The following RANBP2 variants were observed in gnomAD, a reference collection of about 807,000 sequenced individuals.
RANBP2 encodes E3 SUMO-protein ligase RanBP2.
RANBP2 carries 57 observed loss-of-function variants against 303.6 expected under a neutral mutation model. That is an observed-to-expected ratio of 0.19 (90% confidence interval 0.15 to 0.23). The LOEUF (loss-of-function observed/expected upper bound fraction) is 0.23, where lower values mean the gene tolerates loss of function less well. Ranked by LOEUF, RANBP2 falls within the 10% of genes least tolerant of loss-of-function variation. The probability of loss-of-function intolerance (pLI) is 1.00; values close to 1 mark genes in which losing one functional copy is unlikely to be tolerated. For missense variants in RANBP2, 3,138 were observed against 3,780.8 expected (o/e 0.83, Z 4.46); for synonymous variants, 1,167 against 1,301.5 (o/e 0.90, Z 2.23).
the RANBP2 span, among the ~76,000 whole-genome samples, chr2:109,290,239 CTCTT>C: frequency 6.6e-6 from 1 of 152,208 alleles, no homozygotes; most frequent in Non-Finnish European, 1.5e-5. Flanking sequence ...ATCATTCCTT[CTCTT>C]TGTCAGTAAA....
the RANBP2 span, among the ~76,000 whole-genome samples, chr2:109,726,766 C>T: frequency 7.2e-5 from 11 of 152,184 alleles, no homozygotes; most frequent in African/African-American, 1.7e-4. Context: ...CCACACCCTC[C>T]GGCCCACCGC....
the RANBP2 span, among the ~76,000 whole-genome samples, chr2:109,168,325 A>G: frequency 1.3e-5 from 2 of 152,314 alleles, no homozygotes; most frequent in Admixed American, 1.3e-4. Context: ...TTGGTGAGTG[A>G]TCTCAGAGTG....
the RANBP2 span, among the ~76,000 whole-genome samples, chr2:109,583,860 G>A: frequency 1.3e-5 from 2 of 152,210 alleles, no homozygotes; most frequent in East Asian, 3.9e-4. Flanking sequence ...GCTGGAGGCC[G>A]TTATCCTAAG....
At chr2:109,685,222 A>G in the RANBP2 span, among the ~76,000 whole-genome samples, 22 of 152,180 alleles carry the variant, frequency 1.4e-4, no homozygotes, top group African/African-American at 5.1e-4. Flanking sequence ...AGATGTGCAC[A>G]TGATCATTTA....
At chr2:108,900,683 T>C in the RANBP2 span, among the ~76,000 whole-genome samples, 1 of 151,924 alleles carries the variant, frequency 6.6e-6, no homozygotes, top group African/African-American at 2.4e-5. Context: ...CACTTCAATA[T>C]AATGAGAGAG....
chr2:109,525,672 T>G, the RANBP2 span, among the ~76,000 whole-genome samples: 1 of 152,180 alleles, frequency 6.6e-6, no homozygotes, highest in African/African-American at 2.4e-5. Context: ...CAGGACAACC[T>G]GCTCGGTGCC....
the RANBP2 span, among the ~76,000 whole-genome samples, chr2:109,163,801 A>C: frequency 6.6e-6 from 1 of 152,210 alleles, no homozygotes; most frequent in Non-Finnish European, 1.5e-5. Flanking sequence ...AAACTTCTTA[A>C]TAATGGCTCT....
Position 108,766,343 on chromosome 2 carries a change from G to A in RANBP2, c.5804G>A (p.Gly1935Asp), listed in dbSNP as rs1224388091. 1.9e-6 allele frequency: 3 copies of A among 1,611,850 alleles called. No individual in the cohort carries two copies. Among genetic ancestry groups the A allele is most frequent in the Non-Finnish European group, 2.5e-6 (3 of 1,179,862 alleles). The change falls in exon 20 of 29, where the codon GGT (glycine) becomes GAT (aspartate). Residue 1935 changes from glycine (G) to aspartate (D), a missense_variant. Physicochemically the swap from Gly to Asp is moderately conservative, Grantham distance 94. Transcript: ENST00000283195. ...QDISGQKNGRGVIFGQTSSTF... is the reference protein window; with the variant it reads ...QDISGQKNGRDVIFGQTSSTF... Reference sequence around the variant, plus strand: ...ATTAGTGGCCAGAAGAATGGCCGTGGTGTGATTTTTGGCCAAACAAGTAGC... The same window carrying A: ...ATTAGTGGCCAGAAGAATGGCCGTGATGTGATTTTTGGCCAAACAAGTAGC...
the RANBP2 span, among the ~76,000 whole-genome samples, chr2:109,105,631 T>A: frequency 6.6e-6 from 1 of 152,214 alleles, no homozygotes; most frequent in Admixed American, 6.5e-5. Context: ...CTCAGCTCAC[T>A]GCAACCTCTG....
the RANBP2 span, among the ~76,000 whole-genome samples, chr2:109,054,696 CAAA>C: frequency 6.9e-5 from 4 of 57,828 alleles, no homozygotes; most frequent in Non-Finnish European, 1.1e-4. Flanking sequence ...GACTCCGTCT[CAAA>C]AAAAAAAAAA....
At chr2:109,600,925 G>A in the RANBP2 span, among the ~76,000 whole-genome samples, 1 of 152,226 alleles carries the variant, frequency 6.6e-6, no homozygotes, top group Non-Finnish European at 1.5e-5. Context: ...CAAATAAACA[G>A]CCAGATAAAG....
chr2:109,569,216 G>A, the RANBP2 span, among the ~76,000 whole-genome samples: 4 of 152,086 alleles, frequency 2.6e-5, no homozygotes, highest in Non-Finnish European at 5.9e-5. Flanking sequence ...GTCACCTGAG[G>A]TCGGGAGTTC....
chr2:108,880,523 A>G, the RANBP2 span, among the ~76,000 whole-genome samples: 3 of 152,206 alleles, frequency 2.0e-5, no homozygotes, highest in Non-Finnish European at 2.9e-5. Context: ...CCTGGCTTCA[A>G]AGCTTCAAAG....
At chr2:109,091,450 C>T in the RANBP2 span, among the ~76,000 whole-genome samples, 176 of 152,230 alleles carry the variant, frequency 1.2e-3, 1 homozygote, top group African/African-American at 3.9e-3. Context: ...ATGTTAAAAA[C>T]ATCCTGGAGA....
At chr2:108,906,166 C>T in the RANBP2 span, 1 of 798,548 alleles carries the variant, frequency 1.3e-6, no homozygotes, top group Non-Finnish European at 2.2e-6. Flanking sequence ...GAAATAGTTT[C>T]CAGCGGCCAT....
chr2:109,305,513 C>G, the RANBP2 span, among the ~76,000 whole-genome samples: 47,238 of 152,006 alleles, frequency 0.31, 9,055 homozygotes, highest in African/African-American at 0.54. Flanking sequence ...CACCTTACTT[C>G]CCACTCTGGG....
the RANBP2 span, among the ~76,000 whole-genome samples, chr2:109,241,739 C>A: frequency 6.6e-6 from 1 of 152,138 alleles, no homozygotes; most frequent in Non-Finnish European, 1.5e-5. Flanking sequence ...TCTGTTCCCA[C>A]CCTGCGTGTT....
At chr2:109,058,847 T>A in the RANBP2 span, among the ~76,000 whole-genome samples, 1 of 151,572 alleles carries the variant, frequency 6.6e-6, no homozygotes, top group Admixed American at 6.6e-5. Flanking sequence ...ATGGGGGCAG[T>A]GAGTTGGGGA....
intron 6 of RANBP2, among the ~76,000 whole-genome samples, chr2:108,737,152 TGG>T (rs776052756): frequency 4.5e-4 from 68 of 152,200 alleles, no homozygotes; most frequent in Non-Finnish European, 8.1e-4. Flanking sequence ...GTACCTAAAT[TGG>T]TAGGGTAAGA....
Sources: gnomAD v4.1 joint callset for allele counts (sites outside exome capture counted in the v4.1 genomes callset) on GRCh38, gnomAD v4.1.1 for gene constraint, MANE v1.5 for transcripts, NCBI Gene and HGNC (gene_info 2026-07-23, HGNC 2026-07-21) for gene names.